The following SLC8A1 variants were observed in gnomAD, a reference collection of about 807,000 sequenced individuals.
The protein encoded by SLC8A1 is sodium/calcium exchanger 1.
In SLC8A1, 18 loss-of-function variants were observed where a neutral mutation model predicts 68.3. The ratio of observed to expected loss-of-function variants is 0.26; its 90% confidence interval spans 0.18 to 0.39. The LOEUF is 0.39. SLC8A1 is among the 10% of genes least tolerant of loss of function. SLC8A1 has a pLI of 1.00. For synonymous variants in SLC8A1, 475 were observed against 415.5 expected, an observed-to-expected ratio of 1.14 and a Z score of -1.74; for missense variants, 985 against 1,156.7, an observed-to-expected ratio of 0.85 and a Z score of 2.15.
At chr2:40,483,880 A>G (rs545533236) in intron 1 of SLC8A1, among the ~76,000 whole-genome samples, 1 of 152,330 alleles carries the variant, frequency 6.6e-6, no homozygotes, top group Admixed American at 6.5e-5. Flanking sequence ...AAGCCACTGT[A>G]TCAGCCCTGA....
At chr2:40,416,057 A>AAG (rs1448159412) in intron 2 of SLC8A1, among the ~76,000 whole-genome samples, 4 of 148,726 alleles carry the variant, frequency 2.7e-5, no homozygotes, top group Non-Finnish European at 6.0e-5. Context: ...TCTGTTTTAA[A>AAG]AAAAAAAAAA....
At chr2:40,328,890 A>C (rs1221373583) in intron 2 of SLC8A1, among the ~76,000 whole-genome samples, 1 of 152,076 alleles carries the variant, frequency 6.6e-6, no homozygotes, top group African/African-American at 2.4e-5. Flanking sequence ...CACCATTACC[A>C]GTTGCCTTTT....
At chr2:40,262,840 A>G (rs1156658064) in intron 2 of SLC8A1, among the ~76,000 whole-genome samples, 1 of 152,188 alleles carries the variant, frequency 6.6e-6, no homozygotes, top group Middle Eastern at 3.2e-3. Context: ...AATTTGGATC[A>G]TATTTAGCTC....
chr2:40,301,023 A>G (rs543573641), intron 2 of SLC8A1, among the ~76,000 whole-genome samples: 1 of 152,232 alleles, frequency 6.6e-6, no homozygotes, highest in East Asian at 1.9e-4. Context: ...TGATCCCTAC[A>G]ATTTTTTGGA....
chr2:40,124,305 T>A (rs1217867942), intron 7 of SLC8A1, among the ~76,000 whole-genome samples: 1 of 152,208 alleles, frequency 6.6e-6, no homozygotes, highest in African/African-American at 2.4e-5. Context: ...AAAATGTGCC[T>A]TTCCCCAATG....
At chr2:40,509,437 A>ATTTT (rs367549288) in intron 1 of SLC8A1, among the ~76,000 whole-genome samples, 310 of 113,718 alleles carry the variant, frequency 2.7e-3, no homozygotes, top group African/African-American at 0.011. Context: ...GGGATTTGGA[A>ATTTT]TTTTTTTTTT....
At chr2:40,433,169 C>T (rs1698713467) in intron 1 of SLC8A1, among the ~76,000 whole-genome samples, 1 of 152,220 alleles carries the variant, frequency 6.6e-6, no homozygotes, top group African/African-American at 2.4e-5. Flanking sequence ...CTCTTCACGT[C>T]CCTTAAAACT....
intron 2 of SLC8A1, among the ~76,000 whole-genome samples, chr2:40,409,364 A>G (rs1691401414): frequency 6.6e-6 from 1 of 152,166 alleles, no homozygotes; most frequent in African/African-American, 2.4e-5. Flanking sequence ...TCTGCCCTGC[A>G]TTATGGCCAA....
At chr2:40,310,810 T>C (rs2073533097) in intron 2 of SLC8A1, among the ~76,000 whole-genome samples, 1 of 152,066 alleles carries the variant, frequency 6.6e-6, no homozygotes, top group Admixed American at 6.6e-5. Context: ...AACAGATGGA[T>C]CTGGTCATAT....
At chr2:40,340,856 T>A (rs888736786) in intron 2 of SLC8A1, among the ~76,000 whole-genome samples, 1 of 152,058 alleles carries the variant, frequency 6.6e-6, no homozygotes, top group African/African-American at 2.4e-5. Context: ...TCAGAGACAA[T>A]GAGATAGCAC....
At chr2:40,262,351 G>A (rs2064826867) in intron 2 of SLC8A1, among the ~76,000 whole-genome samples, 1 of 152,204 alleles carries the variant, frequency 6.6e-6, no homozygotes, top group African/African-American at 2.4e-5. Flanking sequence ...TTAAACCAAT[G>A]CTTTCCATTC....
chr2:40,492,964 A>G (rs575442295), intron 1 of SLC8A1, among the ~76,000 whole-genome samples: 2 of 152,298 alleles, frequency 1.3e-5, no homozygotes, highest in South Asian at 4.1e-4. Flanking sequence ...AGAACTAGAA[A>G]TACCATTTGG....
intron 2 of SLC8A1, among the ~76,000 whole-genome samples, chr2:40,396,409 T>G (rs1463682189): frequency 1.3e-5 from 2 of 152,196 alleles, no homozygotes; most frequent in East Asian, 1.9e-4. Flanking sequence ...CAGGTTTCAA[T>G]TCTGCTGCCA....
chr2:40,225,916 T>C (rs1017071060), intron 2 of SLC8A1, among the ~76,000 whole-genome samples: 14 of 152,194 alleles, frequency 9.2e-5, no homozygotes, highest in African/African-American at 2.7e-4. Flanking sequence ...GTTGCTCTAT[T>C]TATACACTGC....
Position 40,325,776 on chromosome 2 carries a change from A to C in SLC8A1, c.1808+102697T>G, listed in dbSNP as rs2011871. ...GTGAAACCCTGTCTCTACTAAAAAT[A>C]CAAAAAAAAAAAAAAAAAAAAAAAA... On this transcript the variant is annotated intron_variant, in intron 2 of 7. Coordinates refer to ENST00000406785, the Ensembl canonical transcript of SLC8A1. Among the ~76,000 whole-genome samples the C allele has an allele frequency of 2.9e-3, 313 of 107,898 alleles. 3 individuals are homozygous for C. The highest frequency in any genetic ancestry group is 0.011 in the African/African-American group (297 of 27,226). The allele number at this position is 107,898 out of a possible 152,430, so 70.8% of individuals were successfully genotyped here.
At chr2:40,494,238 C>A (rs775751921) in intron 1 of SLC8A1, among the ~76,000 whole-genome samples, 8 of 152,040 alleles carry the variant, frequency 5.3e-5, no homozygotes, top group Non-Finnish European at 1.0e-4. Context: ...TCTCCTCAAT[C>A]CAATAGCTTT....
intron 2 of SLC8A1, among the ~76,000 whole-genome samples, chr2:40,260,768 C>G (rs1184330103): frequency 6.6e-6 from 1 of 150,536 alleles, no homozygotes. Context: ...TTTAGACTTC[C>G]TACGTGTAAC....
intron 2 of SLC8A1, among the ~76,000 whole-genome samples, chr2:40,236,030 A>C (rs2060317922): frequency 6.6e-6 from 1 of 151,958 alleles, no homozygotes; most frequent in African/African-American, 2.4e-5. Flanking sequence ...GTATGTGGTC[A>C]ATTTTGGAAG....
At chr2:40,179,338 T>A (rs2049032296) in intron 2 of SLC8A1, among the ~76,000 whole-genome samples, 1 of 152,364 alleles carries the variant, frequency 6.6e-6, no homozygotes, top group South Asian at 2.1e-4. Flanking sequence ...TGATTAGAAT[T>A]CTTCCTGTAA....
Sources: gnomAD v4.1 joint callset for allele counts (sites outside exome capture counted in the v4.1 genomes callset) on GRCh38, gnomAD v4.1.1 for gene constraint, MANE v1.5 for transcripts, NCBI Gene and HGNC (gene_info 2026-07-23, HGNC 2026-07-21) for gene names.